CLNK: variants seen among roughly 807,000 people sequenced by gnomAD.
The protein encoded by CLNK is cytokine dependent hematopoietic cell linker.
A neutral mutation model predicts 68.6 loss-of-function variants in CLNK; 74 were observed. The observed-to-expected ratio is 1.08, with a 90% CI of 0.89 to 1.31. CLNK has a LOEUF of 1.31. CLNK is among the 50% of genes most tolerant of loss of function. The probability of loss-of-function intolerance (pLI) is 0.00; values close to 1 mark genes in which losing one functional copy is unlikely to be tolerated. For missense variants in CLNK, 553 were observed against 515.3 expected (o/e 1.07, Z -0.71); for synonymous variants, 198 against 172.2 (o/e 1.15, Z -1.17).
At chr4:10,726,992 C>A in the CLNK span, among the ~76,000 whole-genome samples, 1 of 152,180 alleles carries the variant, frequency 6.6e-6, no homozygotes, top group African/African-American at 2.4e-5. Context: ...ATCTTTTGAG[C>A]ATCATCACAT....
At position 10,667,842 on chromosome 4, in the gene CLNK, G is replaced by A; in HGVS notation, c.11+17C>T. ...AGAAAAGGGAACTGGGGCTCACAGT[G>A]ATCCCACGGTACTTACTGCCTGTTC... On this transcript the variant is annotated intron_variant, in intron 2 of 18. Coordinates refer to ENST00000226951, the MANE Select transcript of CLNK (RefSeq NM_052964.4). 1 of 1,579,876 alleles carries A rather than the reference G, an allele frequency of 6.3e-7. No individual in the cohort carries two copies. The highest frequency in any genetic ancestry group is 2.3e-5 in the East Asian group (1 of 43,028).
intron 2 of CLNK, among the ~76,000 whole-genome samples, chr4:10,617,605 A>C (rs944584278): frequency 1.3e-5 from 2 of 152,384 alleles, no homozygotes; most frequent in Non-Finnish European, 2.9e-5. Flanking sequence ...ATTTTTGCTC[A>C]GAACATTAAA....
chr4:10,576,191 C>T (rs570968235), intron 4 of CLNK, among the ~76,000 whole-genome samples: 14 of 152,324 alleles, frequency 9.2e-5, no homozygotes, highest in African/African-American at 3.4e-4. Context: ...CTTTACACTT[C>T]CCCTCATGGA....
chr4:10,620,963 A>G (rs1221973963), intron 2 of CLNK, among the ~76,000 whole-genome samples: 1 of 135,212 alleles, frequency 7.4e-6, no homozygotes, highest in East Asian at 2.2e-4. Context: ...AAAAAAAATT[A>G]GCCCGGCGTA....
chr4:10,551,991 G>A (rs1014684059), intron 8 of CLNK, among the ~76,000 whole-genome samples: 1 of 151,962 alleles, frequency 6.6e-6, no homozygotes, highest in African/African-American at 2.4e-5. Flanking sequence ...GGGATTACAG[G>A]TGCGCGTCAG....
intron 3 of CLNK, among the ~76,000 whole-genome samples, chr4:10,587,429 A>G (rs1721011257): frequency 6.6e-6 from 1 of 152,234 alleles, no homozygotes; most frequent in Admixed American, 6.5e-5. Flanking sequence ...TGTGCCTTTA[A>G]TAATCCCAGG....
At chr4:10,576,347 A>G (rs2108831405) in intron 4 of CLNK, among the ~76,000 whole-genome samples, 1 of 152,298 alleles carries the variant, frequency 6.6e-6, no homozygotes. Context: ...ATCCCAGGAG[A>G]GTTATGGTCG....
intron 2 of CLNK, among the ~76,000 whole-genome samples, chr4:10,630,871 G>T (rs1027944062): frequency 6.6e-6 from 1 of 152,126 alleles, no homozygotes; most frequent in Admixed American, 6.5e-5. Context: ...AGGATTGAGG[G>T]CGTTTCTCTC....
At position 10,486,900 on chromosome 4, in the gene CLNK, T is replaced by G. The variant is rs998543486; in HGVS notation, c.*3567A>C. Reference sequence around the variant, plus strand: ...TATCTTATTTGTTTGTATATTTATTTGTCATCTATCTCTCTTATTCACTGC... The same window carrying G: ...TATCTTATTTGTTTGTATATTTATTGGTCATCTATCTCTCTTATTCACTGC... On this transcript the variant is annotated 3_prime_UTR_variant, in exon 19 of 19. Transcript: ENST00000226951. 6.6e-6 allele frequency: 1 copy of G among 152,370 alleles called. No homozygotes were observed. Among genetic ancestry groups the G allele is most frequent in the South Asian group, 2.1e-4 (1 of 4,832 alleles). The allele number at this position is 152,370 out of a possible 1,614,324, so 9.4% of individuals were successfully genotyped here.
intron 2 of CLNK, among the ~76,000 whole-genome samples, chr4:10,606,758 A>T (rs1214911714): frequency 6.6e-6 from 1 of 152,208 alleles, no homozygotes; most frequent in African/African-American, 2.4e-5. Flanking sequence ...TATATGGTGC[A>T]TGACTGTATC....
At chr4:10,711,907 G>A in the CLNK span, among the ~76,000 whole-genome samples, 7 of 152,132 alleles carry the variant, frequency 4.6e-5, no homozygotes, top group Admixed American at 1.3e-4. Context: ...AAATACTCTT[G>A]GGGATTCCAG....
chr4:10,656,659 T>A (rs557054759), intron 2 of CLNK: 1 of 152,178 alleles, frequency 6.6e-6, no homozygotes, highest in Admixed American at 6.5e-5. Context: ...CCTAGTAAAA[T>A]CAGAGGTGTG....
At chr4:10,665,004 G>T (rs1242671082) in intron 2 of CLNK, among the ~76,000 whole-genome samples, 1 of 152,176 alleles carries the variant, frequency 6.6e-6, no homozygotes, top group African/African-American at 2.4e-5. Context: ...AAGAGTTTGG[G>T]ACTAGGGGAG....
intron 2 of CLNK, among the ~76,000 whole-genome samples, chr4:10,652,785 A>G (rs1044219956): frequency 6.6e-6 from 1 of 152,234 alleles, no homozygotes; most frequent in Non-Finnish European, 1.5e-5. Flanking sequence ...TGATATTTCT[A>G]TAACACTGCA....
At chr4:10,659,270 T>C (rs1283316109) in intron 2 of CLNK, among the ~76,000 whole-genome samples, 1 of 152,218 alleles carries the variant, frequency 6.6e-6, no homozygotes, top group Non-Finnish European at 1.5e-5. Context: ...TGCAGCAACC[T>C]GATTCAATTG....
intron 15 of CLNK, among the ~76,000 whole-genome samples, chr4:10,519,031 G>A (rs79977961): frequency 1.3e-5 from 2 of 152,186 alleles, no homozygotes; most frequent in African/African-American, 4.8e-5. Context: ...TCTTCACTCT[G>A]CATTCTTGGG....
At chr4:10,725,653 A>G in the CLNK span, among the ~76,000 whole-genome samples, 7 of 152,168 alleles carry the variant, frequency 4.6e-5, no homozygotes, top group Non-Finnish European at 8.8e-5. Flanking sequence ...GGAGATCGAG[A>G]CCATCCTGGC....
intron 2 of CLNK, among the ~76,000 whole-genome samples, chr4:10,604,124 C>T (rs2531183): frequency 0.96 from 145,438 of 152,242 alleles, 69,620 homozygotes; most frequent in East Asian, 1. Context: ...GGGGGTATAT[C>T]ACCTTCCTCA....
chr4:10,508,034 A>C lies in CLNK; in HGVS notation c.909T>G (p.Asp303Glu), dbSNP rs1480557773. The C allele has an allele frequency of 6.2e-7, 1 of 1,607,736 alleles. No homozygotes were observed. Among genetic ancestry groups the C allele is most frequent in the Non-Finnish European group, 8.5e-7 (1 of 1,176,380 alleles). Reference protein sequence around the residue: ...PPFPKRSDRKDVQHNEWYIGE... With the variant: ...PPFPKRSDRKEVQHNEWYIGE... ...CAATGTACCATTCATTGTGCTGGAC[A>C]TCCTGCAGAACAGAATCAATGATAA... The change falls in exon 17 of 19, where the codon GAT (aspartate) becomes GAG (glutamate). Residue 303 changes from aspartate to glutamate, a missense_variant and splice_region_variant. Coordinates refer to ENST00000226951, the MANE Select transcript of CLNK (RefSeq NM_052964.4).
Sources: gnomAD v4.1 joint callset for allele counts (sites outside exome capture counted in the v4.1 genomes callset) on GRCh38, gnomAD v4.1.1 for gene constraint, MANE v1.5 for transcripts, NCBI Gene and HGNC (gene_info 2026-07-23, HGNC 2026-07-21) for gene names.